PPHLN1: variants seen among roughly 807,000 people sequenced by gnomAD.
PPHLN1 encodes periphilin-1.
A neutral mutation model predicts 51.3 loss-of-function variants in PPHLN1; 29 were observed. That is an observed-to-expected ratio of 0.57 (90% CI 0.42 to 0.77). The LOEUF (loss-of-function observed/expected upper bound fraction) is 0.77. Among genes scored for constraint, PPHLN1 ranks in the 30% least tolerant of loss-of-function variants. The pLI, the probability that PPHLN1 is intolerant of heterozygous loss-of-function variation, is 0.00. For synonymous variants in PPHLN1, 147 were observed against 147.8 expected, an observed-to-expected ratio of 0.99 and a Z score of 0.04; for missense variants, 436 against 438.4, an observed-to-expected ratio of 0.99 and a Z score of 0.05.
At chr12:42,353,359 C>T (rs553340964) in intron 3 of PPHLN1, among the ~76,000 whole-genome samples, 1 of 152,024 alleles carries the variant, frequency 6.6e-6, no homozygotes, top group Non-Finnish European at 1.5e-5. Flanking sequence ...ATAATTTGAC[C>T]TCACATTGGC....
chr12:42,328,911 A>G (rs2069209183), intron 1 of PPHLN1, among the ~76,000 whole-genome samples: 1 of 152,078 alleles, frequency 6.6e-6, no homozygotes, highest in Non-Finnish European at 1.5e-5. Context: ...ACGGGGTATT[A>G]CTATGTTGGC....
At chr12:42,422,614 G>A (rs751267351) in intron 9 of PPHLN1, among the ~76,000 whole-genome samples, 12 of 152,100 alleles carry the variant, frequency 7.9e-5, no homozygotes, top group Non-Finnish European at 1.6e-4. Flanking sequence ...AACCAAAAAA[G>A]TTACAATGTT....
intron 8 of PPHLN1, among the ~76,000 whole-genome samples, chr12:42,394,721 A>G (rs1592690923): frequency 6.6e-6 from 1 of 152,040 alleles, no homozygotes; most frequent in African/African-American, 2.4e-5. Context: ...TCTCCAGTAA[A>G]TGTATCAAAA....
intron 9 of PPHLN1, among the ~76,000 whole-genome samples, chr12:42,425,079 T>C (rs2081326242): frequency 6.6e-6 from 1 of 151,752 alleles, no homozygotes; most frequent in Non-Finnish European, 1.5e-5. Flanking sequence ...TGTATGTATG[T>C]ATGTACTTGT....
At chr12:42,372,779 T>C (rs1296016699) in intron 4 of PPHLN1, among the ~76,000 whole-genome samples, 2 of 152,176 alleles carry the variant, frequency 1.3e-5, no homozygotes, top group African/African-American at 4.8e-5. Flanking sequence ...TACCTAGATA[T>C]TACACAAACA....
chr12:42,345,216 G>A (rs1592251319), intron 2 of PPHLN1, among the ~76,000 whole-genome samples: 1 of 152,016 alleles, frequency 6.6e-6, no homozygotes, highest in African/African-American at 2.4e-5. Context: ...TCTCATTAAC[G>A]TAAGCAAACC....
At chr12:42,440,000 A>G (rs1445965718) in intron 9 of PPHLN1, among the ~76,000 whole-genome samples, 1 of 151,766 alleles carries the variant, frequency 6.6e-6, no homozygotes, top group African/African-American at 2.4e-5. Flanking sequence ...ATGTAGGTCA[A>G]GTTGGGAAGC....
At chr12:42,361,093 G>T (rs1416536601) in intron 4 of PPHLN1, among the ~76,000 whole-genome samples, 1 of 152,128 alleles carries the variant, frequency 6.6e-6, no homozygotes, top group East Asian at 1.9e-4. Context: ...CCCCCATTAT[G>T]ATAGTATTAG....
At chr12:42,444,036 C>T (rs1342950763), downstream of PPHLN1, 1 of 152,120 alleles carries the variant, frequency 6.6e-6, no homozygotes, top group Non-Finnish European at 1.5e-5. Flanking sequence ...CAAGATTATT[C>T]ATTTTATGGA....
At chr12:42,403,037 A>G (rs2078976702) in intron 9 of PPHLN1, among the ~76,000 whole-genome samples, 1 of 152,212 alleles carries the variant, frequency 6.6e-6, no homozygotes, top group South Asian at 2.1e-4. Flanking sequence ...GTGGACATGG[A>G]AAATAATCAG....
chr12:42,439,363 C>A (rs1352681517), intron 9 of PPHLN1, among the ~76,000 whole-genome samples: 3 of 152,234 alleles, frequency 2.0e-5, no homozygotes, highest in African/African-American at 7.2e-5. Context: ...TGAATTACTT[C>A]TGTGCTCTGT....
chr12:42,389,745 A>G (rs2077521930), intron 7 of PPHLN1, among the ~76,000 whole-genome samples: 1 of 152,178 alleles, frequency 6.6e-6, no homozygotes, highest in African/African-American at 2.4e-5. Context: ...GATGGGTTAT[A>G]TCTGGTGGAT....
chr12:42,387,451 T>C lies in PPHLN1; in HGVS notation c.569-5T>C. On this transcript the variant is annotated splice_region_variant and splice_polypyrimidine_tract_variant and intron_variant, in intron 6 of 9. Transcript: ENST00000358314. ...AAAAATTACATCTTATGTTTTCTTA[T>C]ATAGATAAAGAGAGGCCTGTCCAGT... is the stretch of plus-strand genomic sequence containing the variant. 1.3e-6 allele frequency: 2 copies of C among 1,598,890 alleles called. No individual in the cohort carries two copies. Among genetic ancestry groups the C allele is most frequent in the Non-Finnish European group, 1.7e-6 (2 of 1,175,762 alleles).
Position 42,364,599 on chromosome 12 carries a change from G to T in PPHLN1, c.299+9377G>T, listed in dbSNP as rs539627769. ...TGATCACACCATTGCACTCCACCCT[G>T]GGTGACAGAGTGAGACTCTGTCTCA... On this transcript the variant is annotated intron_variant, in intron 4 of 9. Transcript: ENST00000358314. Among the ~76,000 whole-genome samples, 3 of 152,226 alleles carry T rather than the reference G, an allele frequency of 2.0e-5. No individual in the cohort carries two copies. In the South Asian group the frequency reaches 6.2e-4, roughly 32 times the overall value.
intron 9 of PPHLN1, among the ~76,000 whole-genome samples, chr12:42,440,835 T>G (rs2082878611): frequency 6.6e-6 from 1 of 152,178 alleles, no homozygotes. Context: ...CGCTTCCACT[T>G]CCCAAATTGC....
chr12:42,442,980 A>G, downstream of PPHLN1: 1 of 483,322 alleles, frequency 2.1e-6, no homozygotes, highest in East Asian at 3.8e-5. Context: ...GCTTTGGGAA[A>G]AAGTGGGGAG....
At chr12:42,362,632 G>A (rs553049538) in intron 4 of PPHLN1, among the ~76,000 whole-genome samples, 1 of 152,158 alleles carries the variant, frequency 6.6e-6, no homozygotes, top group African/African-American at 2.4e-5. Flanking sequence ...TGAACACACA[G>A]ACACACACAC....
At chr12:42,344,672 T>C (rs1010846811) in intron 2 of PPHLN1, among the ~76,000 whole-genome samples, 1 of 152,086 alleles carries the variant, frequency 6.6e-6, no homozygotes, top group African/African-American at 2.4e-5. Context: ...CATACAATTT[T>C]TACCTAGTTA....
chr12:42,350,190 C>A (rs1452996980), intron 2 of PPHLN1: 1 of 146,716 alleles, frequency 6.8e-6, no homozygotes, highest in African/African-American at 2.6e-5. Context: ...GGGGGAGGCG[C>A]CCCTCACCTC....
Sources: allele counts gnomAD v4.1 joint callset (sites outside exome capture counted in the v4.1 genomes callset), GRCh38; gene constraint gnomAD v4.1.1; transcripts MANE v1.5; gene names NCBI Gene and HGNC (gene_info 2026-07-23, HGNC 2026-07-21).